TMEM108: variants seen among roughly 807,000 people sequenced by gnomAD.
TMEM108 encodes transmembrane protein 108.
TMEM108 carries 12 observed loss-of-function variants against 35.1 expected under a neutral mutation model. The ratio of observed to expected loss-of-function variants is 0.34; its 90% CI spans 0.22 to 0.55. The LOEUF (loss-of-function observed/expected upper bound fraction) is 0.55, where lower values mean the gene tolerates loss of function less well. Ranked by LOEUF, TMEM108 falls within the 20% of genes least tolerant of loss-of-function variation. TMEM108 has a pLI of 0.89. For missense variants in TMEM108, 680 were observed against 753.3 expected (o/e 0.90, Z 1.14); for synonymous variants, 287 against 308.6 (o/e 0.93, Z 0.73).
At chr3:133,305,430 G>A (rs1432182398) in intron 3 of TMEM108, among the ~76,000 whole-genome samples, 1 of 151,196 alleles carries the variant, frequency 6.6e-6, no homozygotes, top group Non-Finnish European at 1.5e-5. Context: ...CGAGTTAATG[G>A]GTGCAGCGCA....
chr3:133,360,007 T>TAAAAAAAAAAAAAAA, intron 3 of TMEM108, among the ~76,000 whole-genome samples: 1 of 112,920 alleles, frequency 8.9e-6, no homozygotes, highest in Non-Finnish European at 1.8e-5. Flanking sequence ...ACTCAACAGT[T>TAAAAAAAAAAAAAAA]AAAAAAAAAA....
At chr3:133,229,757 G>C (rs1277380723) in intron 3 of TMEM108, among the ~76,000 whole-genome samples, 2 of 152,304 alleles carry the variant, frequency 1.3e-5, no homozygotes, top group African/African-American at 4.8e-5. Context: ...GGAAATGGTA[G>C]GTTGTATTTT....
At chr3:133,269,343 G>A (rs554954559) in intron 3 of TMEM108, among the ~76,000 whole-genome samples, 1 of 152,152 alleles carries the variant, frequency 6.6e-6, no homozygotes, top group Admixed American at 6.5e-5. Flanking sequence ...TGATGGAGGA[G>A]GGAGAGTTTC....
intron 2 of TMEM108, among the ~76,000 whole-genome samples, chr3:133,191,114 A>C (rs971567281): frequency 7.2e-5 from 11 of 152,184 alleles, no homozygotes; most frequent in African/African-American, 2.4e-4. Context: ...GTGACAGACT[A>C]TATTTTTGAG....
intron 2 of TMEM108, among the ~76,000 whole-genome samples, chr3:133,133,156 T>TGCA (rs56070524): frequency 6.6e-5 from 10 of 150,868 alleles, no homozygotes; most frequent in Non-Finnish European, 5.9e-5. Flanking sequence ...ACTTAGTTGA[T>TGCA]GCAGCAGCAG....
intron 2 of TMEM108, among the ~76,000 whole-genome samples, chr3:133,109,905 A>G (rs866470164): frequency 6.6e-6 from 1 of 152,190 alleles, no homozygotes; most frequent in Non-Finnish European, 1.5e-5. Context: ...CAACATTAGT[A>G]TATAATACGG....
chr3:133,099,693 A>G (rs1004285755), intron 2 of TMEM108, among the ~76,000 whole-genome samples: 11 of 152,214 alleles, frequency 7.2e-5, no homozygotes, highest in Non-Finnish European at 1.5e-5. Flanking sequence ...GGGCAGGGGA[A>G]GTATGCCACC....
chr3:133,382,224 T>G (rs1197309), intron 4 of TMEM108, among the ~76,000 whole-genome samples: 1 of 152,020 alleles, frequency 6.6e-6, no homozygotes, highest in Non-Finnish European at 1.5e-5. Context: ...CCCCGCTCCT[T>G]GGACAGCCCA....
intron 3 of TMEM108, among the ~76,000 whole-genome samples, chr3:133,243,737 A>G (rs1266190097): frequency 1.3e-5 from 2 of 151,244 alleles, no homozygotes; most frequent in Non-Finnish European, 2.9e-5. Context: ...GTTAGCCAGG[A>G]TGGTCTCGAT....
At chr3:133,203,451 A>C (rs1006317730) in intron 2 of TMEM108, among the ~76,000 whole-genome samples, 1 of 152,100 alleles carries the variant, frequency 6.6e-6, no homozygotes, top group African/African-American at 2.4e-5. Context: ...AGCTCTTACT[A>C]TTTTGAGATA....
At chr3:133,334,467 G>A (rs1428087013) in intron 3 of TMEM108, among the ~76,000 whole-genome samples, 1 of 152,174 alleles carries the variant, frequency 6.6e-6, no homozygotes, top group Admixed American at 6.5e-5. Context: ...GTCATTATGG[G>A]TGTATGAAAG....
chr3:133,290,755 G>A (rs902724384), intron 3 of TMEM108, among the ~76,000 whole-genome samples: 1 of 152,112 alleles, frequency 6.6e-6, no homozygotes, highest in African/African-American at 2.4e-5. Context: ...AAAAGCAAAA[G>A]AAAATGGCGT....
chr3:133,112,661 T>TA (rs1185470406), intron 2 of TMEM108, among the ~76,000 whole-genome samples: 3 of 152,162 alleles, frequency 2.0e-5, no homozygotes, highest in Non-Finnish European at 2.9e-5. Flanking sequence ...CTATAAAAAT[T>TA]AGAGTTATCC....
At chr3:133,284,533 T>A (rs1035779165) in intron 3 of TMEM108, among the ~76,000 whole-genome samples, 1 of 152,216 alleles carries the variant, frequency 6.6e-6, no homozygotes, top group Non-Finnish European at 1.5e-5. Flanking sequence ...CTGACATTCC[T>A]ACCTTGTCCT....
chr3:133,386,477 G>A (rs1298469566), intron 4 of TMEM108: 1 of 1,536,020 alleles, frequency 6.5e-7, no homozygotes, highest in Admixed American at 2.0e-5. Context: ...ACAGTACTCA[G>A]GGCTCCATCT....
intron 3 of TMEM108, among the ~76,000 whole-genome samples, chr3:133,337,175 G>C (rs989417494): frequency 1.3e-5 from 2 of 152,182 alleles, no homozygotes; most frequent in African/African-American, 4.8e-5. Context: ...TTCTCCACCT[G>C]CTGATCAAAG....
chr3:133,071,958 C>T (rs887147447), intron 2 of TMEM108, among the ~76,000 whole-genome samples: 2 of 152,110 alleles, frequency 1.3e-5, no homozygotes, highest in East Asian at 1.9e-4. Context: ...TTAGATCTGA[C>T]ATTTAGGTCT....
chr3:133,373,711 G>A (rs1326508497), intron 3 of TMEM108, among the ~76,000 whole-genome samples: 2 of 152,192 alleles, frequency 1.3e-5, no homozygotes, highest in African/African-American at 2.4e-5. Context: ...CTCCCTGATG[G>A]TCAGACTTAG....
chr3:133,050,820 T>C (rs1427265547), intron 2 of TMEM108, among the ~76,000 whole-genome samples: 1 of 152,046 alleles, frequency 6.6e-6, no homozygotes, highest in African/African-American at 2.4e-5. Flanking sequence ...GTTTCCTCTA[T>C]GTCTTTCATG....
Sources: allele counts gnomAD v4.1 joint callset (sites outside exome capture counted in the v4.1 genomes callset), GRCh38; gene constraint gnomAD v4.1.1; transcripts MANE v1.5; gene names NCBI Gene and HGNC (gene_info 2026-07-23, HGNC 2026-07-21).